PPP1R1C: variants seen among roughly 807,000 people sequenced by gnomAD.
The protein encoded by PPP1R1C is protein phosphatase 1 regulatory subunit 1C.
In PPP1R1C, 15 loss-of-function variants were observed where a neutral mutation model predicts 17.4. The ratio of observed to expected loss-of-function variants is 0.86; its 90% confidence interval spans 0.58 to 1.33. The LOEUF (loss-of-function observed/expected upper bound fraction) is 1.33, where lower values mean the gene tolerates loss of function less well. PPP1R1C is among the 40% of genes most tolerant of loss of function. PPP1R1C has a pLI of 0.00. For missense variants in PPP1R1C, 143 were observed against 130.0 expected, an observed-to-expected ratio of 1.10 and a Z score of -0.48; for synonymous variants, 35 against 43.1, an observed-to-expected ratio of 0.81 and a Z score of 0.73.
At chr2:182,032,277 G>C (rs1012592438) in intron 2 of PPP1R1C, among the ~76,000 whole-genome samples, 1 of 152,056 alleles carries the variant, frequency 6.6e-6, no homozygotes, top group African/African-American at 2.4e-5. Flanking sequence ...TTCTAGACGT[G>C]GTTAACTTTT....
intron 4 of PPP1R1C, among the ~76,000 whole-genome samples, chr2:182,107,561 T>C (rs147647160): frequency 2.7e-4 from 41 of 152,294 alleles, no homozygotes; most frequent in African/African-American, 9.1e-4. Flanking sequence ...GTTGGCCTAC[T>C]CCTCACCTTC....
chr2:182,099,961 CCATAGGGA>C (rs1372653020), intron 4 of PPP1R1C, among the ~76,000 whole-genome samples: 2 of 150,986 alleles, frequency 1.3e-5, no homozygotes, highest in Admixed American at 1.3e-4. Context: ...GGTGCCTTGT[CCATAGGGA>C]GACGATTAGA....
chr2:182,117,413 C>G lies in PPP1R1C; in HGVS notation c.*118C>G. 1 of 686,432 alleles carries G rather than the reference C, an allele frequency of 1.5e-6. No homozygotes were observed. The highest frequency in any genetic ancestry group is 2.5e-6 in the Non-Finnish European group (1 of 401,520). 42.5% of individuals were successfully genotyped at this position (686,432 alleles called of 1,614,324 possible). Reference sequence around the variant, plus strand: ...GCATCCTCCATCTCTGCACCCCACACTCATACAGTAGCTATGCACATCCTG... The same window carrying G: ...GCATCCTCCATCTCTGCACCCCACAGTCATACAGTAGCTATGCACATCCTG... On this transcript the variant is annotated 3_prime_UTR_variant, in exon 5 of 5. Transcript: ENST00000682840.
chr2:181,979,778 T>C (rs1481876933), intron 2 of PPP1R1C, among the ~76,000 whole-genome samples: 1 of 152,246 alleles, frequency 6.6e-6, no homozygotes, highest in Non-Finnish European at 1.5e-5. Flanking sequence ...AAATCACTTC[T>C]TTGCATAGAG....
intron 4 of PPP1R1C, among the ~76,000 whole-genome samples, chr2:182,100,096 C>G (rs1689053790): frequency 6.6e-6 from 1 of 152,170 alleles, no homozygotes; most frequent in Admixed American, 6.5e-5. Flanking sequence ...TTTCCCATCT[C>G]TTTTTCTCAG....
At chr2:182,012,629 G>A (rs1237904191) in intron 2 of PPP1R1C, among the ~76,000 whole-genome samples, 1 of 152,016 alleles carries the variant, frequency 6.6e-6, no homozygotes, top group African/African-American at 2.4e-5. Flanking sequence ...GGCAAGTAAG[G>A]ACTTGCTATG....
At chr2:182,064,044 A>G (rs1452665571) in intron 4 of PPP1R1C, 5 of 433,214 alleles carry the variant, frequency 1.2e-5, no homozygotes, top group Non-Finnish European at 2.0e-5. Flanking sequence ...AAATAATGAC[A>G]AAGATTTTTT....
intron 2 of PPP1R1C, among the ~76,000 whole-genome samples, chr2:181,995,458 T>C (rs1199204303): frequency 1.3e-5 from 2 of 152,202 alleles, no homozygotes; most frequent in African/African-American, 4.8e-5. Context: ...AATACATGTG[T>C]TTTCCCACAC....
At chr2:182,058,596 A>G (rs1687756675) in intron 2 of PPP1R1C, among the ~76,000 whole-genome samples, 1 of 152,152 alleles carries the variant, frequency 6.6e-6, no homozygotes. Context: ...TTATGAGAAA[A>G]TGAGGAAGGC....
Position 182,053,054 on chromosome 2 carries a change from T to C in PPP1R1C, c.143-8388T>C, listed in dbSNP as rs148833043. On this transcript the variant is annotated intron_variant, in intron 2 of 4. Transcript: ENST00000682840. Reference sequence around the variant, plus strand: ...TTGGAACCAAGAAAAACAGGCTTAGTACACAAAACAAAAGTGTATGTTTTT... The same window carrying C: ...TTGGAACCAAGAAAAACAGGCTTAGCACACAAAACAAAAGTGTATGTTTTT... 3.9e-3 allele frequency among the ~76,000 whole-genome samples: 599 copies of C among 152,334 alleles called. 6 individuals are homozygous for C. Among genetic ancestry groups the C allele is most frequent in the African/African-American group, 0.014 (574 of 41,586 alleles).
downstream of PPP1R1C, chr2:182,130,842 T>G (rs1689990862): frequency 1.3e-5 from 2 of 152,194 alleles, no homozygotes; most frequent in Non-Finnish European, 2.9e-5. Flanking sequence ...GAACACCCAA[T>G]AGTTTAAAAA....
At chr2:182,100,905 A>G (rs1374434744) in intron 4 of PPP1R1C, among the ~76,000 whole-genome samples, 1 of 152,198 alleles carries the variant, frequency 6.6e-6, no homozygotes, top group Admixed American at 6.5e-5. Context: ...GTCAGAGGAC[A>G]AGGCTGCATA....
intron 1 of PPP1R1C, among the ~76,000 whole-genome samples, chr2:181,970,139 T>A (rs1424176441): frequency 1.3e-5 from 2 of 152,158 alleles, no homozygotes; most frequent in Non-Finnish European, 2.9e-5. Context: ...TATTTAGTTT[T>A]TTTTTTTTTC....
At chr2:182,127,148 A>G (rs985756499) in intron 5 of PPP1R1C, among the ~76,000 whole-genome samples, 2 of 152,086 alleles carry the variant, frequency 1.3e-5, no homozygotes, top group Non-Finnish European at 2.9e-5. Context: ...CAAGGCAGAC[A>G]GTTACCAGAA....
At chr2:182,024,448 A>G (rs188064923) in intron 2 of PPP1R1C, among the ~76,000 whole-genome samples, 1 of 152,200 alleles carries the variant, frequency 6.6e-6, no homozygotes, top group Admixed American at 6.5e-5. Context: ...TTGTTAAAAT[A>G]ATATTCTCTA....
At position 182,028,228 on chromosome 2, in the gene PPP1R1C, T is replaced by C. The variant is rs1330782404; in HGVS notation, c.143-33214T>C. ...CTATTTCCTTCAGTTCTGCTCTGAT[T>C]TTAGTTATTTCTTGCCTTCTGCTAG... On this transcript the variant is annotated intron_variant, in intron 2 of 4. Transcript: ENST00000682840. 4.9e-3 allele frequency among the ~76,000 whole-genome samples: 608 copies of C among 124,558 alleles called. 3 individuals carry two copies. Among genetic ancestry groups the C allele is most frequent in the African/African-American group, 0.018 (587 of 32,414 alleles). The allele number at this position is 124,558 out of a possible 152,430, so 81.7% of individuals were successfully genotyped here.
At chr2:182,105,775 T>A (rs1689228064) in intron 4 of PPP1R1C, among the ~76,000 whole-genome samples, 1 of 152,162 alleles carries the variant, frequency 6.6e-6, no homozygotes, top group Non-Finnish European at 1.5e-5. Flanking sequence ...TAAATCCAAC[T>A]GAGGGTATAT....
chr2:181,995,657 C>T (rs141064580), intron 2 of PPP1R1C, among the ~76,000 whole-genome samples: 53 of 152,096 alleles, frequency 3.5e-4, no homozygotes, highest in African/African-American at 1.2e-3. Flanking sequence ...AGTTGATAGT[C>T]ATATTCCACA....
intron 5 of PPP1R1C, among the ~76,000 whole-genome samples, chr2:182,124,547 T>C (rs1689827834): frequency 6.6e-6 from 1 of 152,074 alleles, no homozygotes; most frequent in East Asian, 1.9e-4. Flanking sequence ...TGTTTTTCCA[T>C]TTGTTTGTGT....
Sources: allele counts gnomAD v4.1 joint callset (sites outside exome capture counted in the v4.1 genomes callset), GRCh38; gene constraint gnomAD v4.1.1; transcripts MANE v1.5; gene names NCBI Gene and HGNC (gene_info 2026-07-23, HGNC 2026-07-21).